ZBTB4: variants seen among roughly 807,000 people sequenced by gnomAD.
The protein encoded by ZBTB4 is zinc finger and BTB domain containing 4.
Under a neutral mutation model 59.8 loss-of-function variants are expected in ZBTB4, and 14 were observed. The observed-to-expected ratio is 0.23, with a 90% CI of 0.15 to 0.37. ZBTB4 has a LOEUF of 0.37. Among genes scored for constraint, ZBTB4 ranks in the 10% least tolerant of loss-of-function variants. The pLI is 1.00. For synonymous variants in ZBTB4, 587 were observed against 575.2 expected, an observed-to-expected ratio of 1.02 and a Z score of -0.29; for missense variants, 1,198 against 1,380.8, an observed-to-expected ratio of 0.87 and a Z score of 2.10.
rs2070116694 is a variant in ZBTB4, at chr17:7,466,020, C to T, written c.782G>A (p.Ser261Asn). The T allele has an allele frequency of 6.2e-7, 1 of 1,607,820 alleles. No individual in the cohort carries two copies. ...TCCCAGCCCTGTAGACCCCCGCGTG[C>T]TGGCCCCTCGTCGGCACTGGGCCTC... ...THEAQCRRGASTRGSTGLGAG... is the reference protein window; with the variant it reads ...THEAQCRRGANTRGSTGLGAG... The change falls in exon 3 of 4, where the codon AGC becomes AAC. Residue 261 changes from serine to asparagine, a missense_variant. This residue lies in a region of ZBTB4 where 204 missense variants were observed against 205.5 expected (regional missense o/e 0.99). Transcript: ENST00000380599. This position sits in a 1 kb window ranked among gnomAD's most constrained non-coding sequence, Gnocchi z 9.1.
In ZBTB4 at chr17:7,462,624, C is replaced by A. The variant is rs150872179; in HGVS notation, c.2358G>T (p.Arg786Ser). The part of the protein sequence containing the change: ...TAAALSRHGQ[R>S]HAAERPGGTP... ...TGCCCCCGGGCCGCTCAGCAGCATG[C>A]CTCTGCCCGTGGCGGCTCAGGGCAG... Residue 786 changes from arginine to serine, a missense_variant, in exon 4 of 4, where the codon AGG becomes AGT. Physicochemically the swap from Arg to Ser is moderately radical, Grantham distance 110. Coordinates refer to ENST00000380599, the MANE Select transcript of ZBTB4 (RefSeq NM_001128833.2). This position sits in a 1 kb window ranked among gnomAD's most constrained non-coding sequence, Gnocchi z 7.5. The A allele has an allele frequency of 3.1e-6, 5 of 1,608,778 alleles. No homozygotes were observed. The highest frequency in any genetic ancestry group is 3.4e-6 in the Non-Finnish European group (4 of 1,177,800).
chr17:7,476,882 C>A (rs908523267), intron 1 of ZBTB4, among the ~76,000 whole-genome samples: 1 of 152,216 alleles, frequency 6.6e-6, no homozygotes, highest in Non-Finnish European at 1.5e-5. Flanking sequence ...AAAGGACCAT[C>A]CACTGAATGT....
chr17:7,470,747 G>C (rs1246347871), intron 1 of ZBTB4, among the ~76,000 whole-genome samples: 1 of 152,056 alleles, frequency 6.6e-6, no homozygotes, highest in African/African-American at 2.4e-5. Context: ...CTAGGTAGCT[G>C]GCCCAAGGAC....
intron 3 of ZBTB4, among the ~76,000 whole-genome samples, chr17:7,464,683 C>CAAAA: frequency 6.6e-6 from 1 of 151,380 alleles, no homozygotes; most frequent in Non-Finnish European, 1.5e-5. Flanking sequence ...ACTAAAAATA[C>CAAAA]AAAAATTAGC....
upstream of ZBTB4, chr17:7,482,252 C>T (rs2070354158): frequency 6.2e-7 from 1 of 1,614,016 alleles, no homozygotes; most frequent in Non-Finnish European, 8.5e-7. Flanking sequence ...ACTTAAACTG[C>T]GTGGCGACCC....
rs1190288948 is a variant in ZBTB4 at position 7,465,992 on chromosome 17, A to G, written c.810T>C (p.Ala270=). The G allele has an allele frequency of 6.2e-7, 1 of 1,603,114 alleles. No homozygotes were observed. The highest frequency in any genetic ancestry group is 2.2e-5 in the East Asian group (1 of 44,650). ...ASTRGSTGLG[A]GGAGPGGPAG... is the part of the protein sequence containing the mutation. ...CAGGACCACCAGGGCCAGCGCCCCC[A>G]GCTCCCAGCCCTGTAGACCCCCGCG... The change falls in exon 3 of 4, where the codon GCT becomes GCC. Residue 270 remains alanine, a synonymous_variant. Coordinates refer to ENST00000380599, the MANE Select transcript of ZBTB4 (RefSeq NM_001128833.2).
Position 7,466,071 on chromosome 17 carries a change from A to T in ZBTB4, c.731T>A (p.Ile244Asn), listed in dbSNP as rs1457350631. Reference sequence around the variant, plus strand: ...ATGGGTCTGCAGCCGTTTGGGATGGATGAAGCTTTTTCCACACTGGGGGCA... The same window carrying T: ...ATGGGTCTGCAGCCGTTTGGGATGGTTGAAGCTTTTTCCACACTGGGGGCA... ...LPCPQCGKSF[I>N]HPKRLQTHEA... Residue 244 changes from isoleucine (I) to asparagine (N), a missense_variant, in exon 3 of 4, where the codon ATC becomes AAC. Transcript: ENST00000380599. This position sits in a 1 kb window ranked among gnomAD's most constrained non-coding sequence, Gnocchi z 9.1. 1.2e-6 allele frequency: 2 copies of T among 1,606,654 alleles called. No homozygotes were observed. The highest frequency in any genetic ancestry group is 1.7e-6 in the Non-Finnish European group (2 of 1,175,748).
intron 1 of ZBTB4, among the ~76,000 whole-genome samples, chr17:7,468,052 A>C (rs1375900996): frequency 6.6e-6 from 1 of 151,750 alleles, no homozygotes; most frequent in South Asian, 2.1e-4. Flanking sequence ...CTCCTACCTC[A>C]CCTCTTGCTG....
intron 3 of ZBTB4, among the ~76,000 whole-genome samples, chr17:7,465,302 C>CA (rs1325422663): frequency 2.2e-4 from 33 of 146,734 alleles, no homozygotes; most frequent in African/African-American, 7.0e-4. Flanking sequence ...ACTAAAAATA[C>CA]AAAAAAAAAT....
At position 7,461,861 on chromosome 17, in the gene ZBTB4, C is replaced by T; in HGVS notation, c.*79G>A. 5 of 1,333,630 alleles carry T rather than the reference C, an allele frequency of 3.7e-6. No individual in the cohort carries two copies. Among genetic ancestry groups the T allele is most frequent in the Non-Finnish European group, 5.1e-6 (5 of 974,316 alleles). 82.6% of individuals were successfully genotyped at this position (1,333,630 alleles called of 1,614,324 possible). A position where few individuals can be genotyped will look rare whatever the true frequency, so the allele number is the denominator to read the frequency against. On this transcript the variant is annotated 3_prime_UTR_variant, in exon 4 of 4. Coordinates refer to ENST00000380599, the MANE Select transcript of ZBTB4 (RefSeq NM_001128833.2). ...AGAGTGTGAAGGGGCTCCCAAGGGGCAGGGAGGCCAGGGAGCTGGTAGTGG... is the reference window on the plus strand; with the variant it reads ...AGAGTGTGAAGGGGCTCCCAAGGGGTAGGGAGGCCAGGGAGCTGGTAGTGG...
At chr17:7,469,312 G>C (rs946379198) in intron 1 of ZBTB4, among the ~76,000 whole-genome samples, 1 of 152,066 alleles carries the variant, frequency 6.6e-6, no homozygotes, top group Non-Finnish European at 1.5e-5. Context: ...GATTACAGGC[G>C]TCCGCCGCCA....
rs2070005407 is a variant in ZBTB4, at chr17:7,460,552, A to G, written c.*1388T>C. ...CATACTGGCTCTCCCCTTGTGAGCT[A>G]TTTTTTGGGGGGAGGTGGGTGGGAT... On this transcript the variant is annotated 3_prime_UTR_variant, in exon 4 of 4. Transcript: ENST00000380599. 6.7e-6 allele frequency: 1 copy of G among 149,782 alleles called. No homozygotes were observed. The highest frequency in any genetic ancestry group is 1.5e-5 in the Non-Finnish European group (1 of 67,344). The allele number at this position is 149,782 out of a possible 1,614,324, so 9.3% of individuals were successfully genotyped here. A position where few individuals can be genotyped will look rare whatever the true frequency, so the allele number is the denominator to read the frequency against.
chr17:7,478,361 C>G (rs2070298009), intron 1 of ZBTB4, among the ~76,000 whole-genome samples: 1 of 152,098 alleles, frequency 6.6e-6, no homozygotes, highest in African/African-American at 2.4e-5. Context: ...CCCCGGGGTT[C>G]CTCGCTCCTC....
Position 7,466,577 on chromosome 17 carries a change from T to A in ZBTB4, c.225A>T (p.Ala75=). The A allele has an allele frequency of 6.2e-7, 1 of 1,610,968 alleles. No homozygotes were observed. The change falls in exon 3 of 4, where the codon GCA becomes GCT. Residue 75 remains alanine (A), a synonymous_variant. Coordinates refer to ENST00000380599, the MANE Select transcript of ZBTB4 (RefSeq NM_001128833.2). This position sits in a 1 kb window ranked among gnomAD's most constrained non-coding sequence, Gnocchi z 9.1. ...CAGCTGTGGTGGTGGCAGGGTTGGG[T>A]GCGGCGCCCCCAGTAGCTGGTGGAA... ...LPLPPATGGA[A]PNPATTTAAS...
At chr17:7,464,369 T>C (rs1217238450) in intron 3 of ZBTB4, among the ~76,000 whole-genome samples, 2 of 138,866 alleles carry the variant, frequency 1.4e-5, no homozygotes, top group South Asian at 2.2e-4. Flanking sequence ...GAGGTTGCAG[T>C]GAGCCAAGAT....
intron 1 of ZBTB4, among the ~76,000 whole-genome samples, chr17:7,474,219 A>ATTTTTTTTT (rs2070237639): frequency 6.4e-4 from 5 of 7,786 alleles, no homozygotes; most frequent in Non-Finnish European, 1.5e-3. Context: ...CCATGGCCAG[A>ATTTTTTTTT]CTTTTTTTTT....
intron 1 of ZBTB4, among the ~76,000 whole-genome samples, chr17:7,468,889 G>A (rs2070162559): frequency 6.6e-6 from 1 of 152,150 alleles, no homozygotes; most frequent in South Asian, 2.1e-4. Context: ...GGTAAACAGG[G>A]ATGATATTCC....
Position 7,466,015 on chromosome 17 carries a change from G to T in ZBTB4, c.787C>A (p.Arg263=). Residue 263 remains arginine (R), a synonymous_variant, in exon 3 of 4, where the codon CGG becomes AGG. Transcript: ENST00000380599. This position sits in a 1 kb window ranked among gnomAD's most constrained non-coding sequence, Gnocchi z 9.1. ...CCAGCTCCCAGCCCTGTAGACCCCC[G>T]CGTGCTGGCCCCTCGTCGGCACTGG... is the stretch of plus-strand genomic sequence containing the variant. ...EAQCRRGAST[R]GSTGLGAGGA... The T allele has an allele frequency of 6.2e-7, 1 of 1,607,988 alleles. No homozygotes were observed. Among genetic ancestry groups the T allele is most frequent in the South Asian group, 1.1e-5 (1 of 90,766 alleles).
chr17:7,464,686 A>G (rs1031339257), intron 3 of ZBTB4, among the ~76,000 whole-genome samples: 13 of 151,696 alleles, frequency 8.6e-5, no homozygotes, highest in African/African-American at 3.2e-4. Flanking sequence ...AAAAATACAA[A>G]AATTAGCTGG....
Sources: allele counts gnomAD v4.1 joint callset (sites outside exome capture counted in the v4.1 genomes callset), GRCh38; gene constraint gnomAD v4.1.1; regional missense constraint gnomAD v4.1.1; non-coding constraint Gnocchi (gnomAD v3.1); transcripts MANE v1.5; gene names NCBI Gene and HGNC (gene_info 2026-07-23, HGNC 2026-07-21).